The following CHD2 variants were observed in gnomAD, a reference collection of about 807,000 sequenced individuals.
The protein encoded by CHD2 is chromodomain helicase DNA binding protein 2.
In CHD2, 28 loss-of-function variants were observed where a neutral mutation model predicts 243.9. That is an observed-to-expected ratio of 0.11 (90% CI 0.09 to 0.16). CHD2 has a LOEUF of 0.16. Ranked by LOEUF, CHD2 falls within the 10% of genes least tolerant of loss-of-function variation. CHD2 has a pLI of 1.00. For synonymous variants in CHD2, 775 were observed against 779.0 expected, an observed-to-expected ratio of 0.99 and a Z score of 0.09; for missense variants, 1,386 against 2,209.8, an observed-to-expected ratio of 0.63 and a Z score of 7.47.
At chr15:92,995,893 T>A (rs2141865632) in intron 28 of CHD2, among the ~76,000 whole-genome samples, 1 of 152,318 alleles carries the variant, frequency 6.6e-6, no homozygotes, top group Admixed American at 6.5e-5. Context: ...ACAGAATATA[T>A]TGTTAAACGT....
chr15:92,972,443 G>C (rs574954863), intron 19 of CHD2, 26 bp downstream of exon 19: 1 of 1,559,700 alleles, frequency 6.4e-7, no homozygotes, highest in Non-Finnish European at 8.7e-7. Flanking sequence ...TAATTGCTGT[G>C]GGGGGAATCA....
chr15:93,007,964 T>G (rs1306303575), intron 34 of CHD2, among the ~76,000 whole-genome samples: 1 of 152,214 alleles, frequency 6.6e-6, no homozygotes, highest in Admixed American at 6.5e-5. Flanking sequence ...CCCTCAGTTG[T>G]CAGCTCATGT....
intron 17 of CHD2, among the ~76,000 whole-genome samples, chr15:92,970,031 GATTT>G (rs1033794222): frequency 3.3e-5 from 5 of 151,854 alleles, no homozygotes; most frequent in African/African-American, 9.7e-5. Context: ...TGGTTACATA[GATTT>G]ATTTATTTCA....
At chr15:92,981,543 G>A (rs1056185373) in intron 24 of CHD2, 86 bp downstream of exon 24, 7 of 1,021,372 alleles carry the variant, frequency 6.9e-6, no homozygotes, top group Admixed American at 2.2e-5. Flanking sequence ...TGTGCTAGGC[G>A]CTCTGCTTTT....
intron 26 of CHD2, among the ~76,000 whole-genome samples, chr15:92,987,409 T>C (rs2054057191): frequency 6.6e-6 from 1 of 151,778 alleles, no homozygotes; most frequent in Admixed American, 6.6e-5. Flanking sequence ...ACCAGCATGG[T>C]CTCAACATGG....
At chr15:92,969,450 T>C (rs2053811348) in intron 17 of CHD2, among the ~76,000 whole-genome samples, 2 of 152,214 alleles carry the variant, frequency 1.3e-5, no homozygotes, top group East Asian at 1.9e-4. Context: ...CTTCATAGGC[T>C]GTCGTGTTCT....
intron 2 of CHD2, chr15:92,901,923 TTTAC>T (rs2052534253): frequency 2.9e-6 from 1 of 347,354 alleles, no homozygotes; most frequent in South Asian, 1.5e-4. Flanking sequence ...TATCAAAACC[TTTAC>T]TTGATGGTTA....
At chr15:93,015,559 A>G (rs1034804245) in intron 37 of CHD2, among the ~76,000 whole-genome samples, 5 of 152,230 alleles carry the variant, frequency 3.3e-5, no homozygotes, top group African/African-American at 1.2e-4. Context: ...GGCAATCAAC[A>G]GAGTGAAGAG....
chr15:92,999,167 C>A (rs2054223472), intron 31 of CHD2, among the ~76,000 whole-genome samples: 1 of 149,714 alleles, frequency 6.7e-6, no homozygotes, highest in Admixed American at 6.6e-5. Flanking sequence ...ACCCATCCTT[C>A]TGAAATGTTG....
At chr15:92,911,937 G>T (rs952816996) in intron 2 of CHD2, among the ~76,000 whole-genome samples, 3 of 152,160 alleles carry the variant, frequency 2.0e-5, no homozygotes, top group African/African-American at 7.2e-5. Flanking sequence ...TGTTCAAAAG[G>T]CCATGACTCT....
chr15:92,924,663 A>G, intron 3 of CHD2, 111 bp downstream of exon 3: 1 of 862,986 alleles, frequency 1.2e-6, no homozygotes, highest in South Asian at 1.5e-5. Context: ...ACCTACAGCC[A>G]TTTTTTCTAG....
chr15:92,992,850 C>A lies in CHD2; in HGVS notation c.3456-9C>A. ...GTCCTAAAGTGTCCCCATATTTGTT[C>A]CTCCTCAGGCTGGAGTGCATAGCAC... On this transcript the variant is annotated splice_polypyrimidine_tract_variant and intron_variant, in intron 27 of 38. Transcript: ENST00000394196. 1 of 1,612,134 alleles carries A rather than the reference C, an allele frequency of 6.2e-7. No homozygotes were observed. Among genetic ancestry groups the A allele is most frequent in the South Asian group, 1.1e-5 (1 of 91,062 alleles).
At chr15:92,980,366 A>G (rs974183245) in intron 22 of CHD2, among the ~76,000 whole-genome samples, 5 of 151,828 alleles carry the variant, frequency 3.3e-5, no homozygotes, top group African/African-American at 4.8e-5. Context: ...CGCTGCAGCT[A>G]TGTTAAAGGT....
intron 2 of CHD2, among the ~76,000 whole-genome samples, chr15:92,920,047 A>C (rs776690213): frequency 1.1e-4 from 16 of 152,236 alleles, no homozygotes; most frequent in Admixed American, 7.9e-4. Context: ...ACTCACAAGT[A>C]TACTTCAAAT....
chr15:92,932,437 T>C (rs2053187420), intron 5 of CHD2, among the ~76,000 whole-genome samples: 1 of 1,958 alleles, frequency 5.1e-4, no homozygotes, highest in Non-Finnish European at 1.4e-3. Flanking sequence ...TGCTGACCCT[T>C]CCCCCTCCCC....
At chr15:92,977,779 G>A (rs984983690) in intron 20 of CHD2, among the ~76,000 whole-genome samples, 7 of 151,942 alleles carry the variant, frequency 4.6e-5, no homozygotes, top group African/African-American at 1.7e-4. Flanking sequence ...TATATTTCTC[G>A]CCAGCCTAAC....
chr15:92,950,419 C>T (rs1307140746), intron 13 of CHD2: 1 of 152,216 alleles, frequency 6.6e-6, no homozygotes, highest in Admixed American at 6.5e-5. Flanking sequence ...GCTGTCCTTA[C>T]AGAACATGCA....
chr15:92,925,586 C>CT (rs1289134170), intron 3 of CHD2, among the ~76,000 whole-genome samples: 2 of 152,196 alleles, frequency 1.3e-5, no homozygotes, highest in Non-Finnish European at 2.9e-5. Flanking sequence ...TGAGTAAAAA[C>CT]TTTCATAGCT....
At chr15:92,902,372 C>T (rs2052541161) in intron 2 of CHD2, 1 of 387,138 alleles carries the variant, frequency 2.6e-6, no homozygotes, top group Admixed American at 4.4e-5. Flanking sequence ...TATGCATTTT[C>T]ATATTATAAA....
Sources: allele counts gnomAD v4.1 joint callset (sites outside exome capture counted in the v4.1 genomes callset), GRCh38; gene constraint gnomAD v4.1.1; transcripts MANE v1.5; gene names NCBI Gene and HGNC (gene_info 2026-07-23, HGNC 2026-07-21).